GRAMD4: variants seen among roughly 807,000 people sequenced by gnomAD.
The protein encoded by GRAMD4 is GRAM domain containing 4.
A neutral mutation model predicts 83.9 loss-of-function variants in GRAMD4; 25 were observed. That is an observed-to-expected ratio of 0.30 (90% CI 0.22 to 0.42). The LOEUF (loss-of-function observed/expected upper bound fraction) is 0.42, where lower values mean the gene tolerates loss of function less well. Among genes scored for constraint, GRAMD4 ranks in the 10% least tolerant of loss-of-function variants. The probability of loss-of-function intolerance (pLI) is 1.00; values close to 1 mark genes in which losing one functional copy is unlikely to be tolerated. For missense variants in GRAMD4, 593 were observed against 788.7 expected (o/e 0.75, Z 2.97); for synonymous variants, 336 against 320.9 (o/e 1.05, Z -0.50).
chr22:46,577,429 G>C (rs1352684844), intron 1 of GRAMD4: 1 of 314,102 alleles, frequency 3.2e-6, no homozygotes, highest in Non-Finnish European at 4.5e-6. Context: ...GGCCCGAGCC[G>C]GCGACCCTCC....
chr22:46,655,351 G>A (rs2082227936), intron 3 of GRAMD4, among the ~76,000 whole-genome samples: 1 of 152,176 alleles, frequency 6.6e-6, no homozygotes, highest in Non-Finnish European at 1.5e-5. Context: ...TTCTAAGCGG[G>A]AAAGCAACAA....
intron 3 of GRAMD4, among the ~76,000 whole-genome samples, chr22:46,643,342 TCC>T (rs2082019305): frequency 7.9e-6 from 1 of 127,062 alleles, no homozygotes; most frequent in African/African-American, 2.9e-5. Context: ...TATCCATCCA[TCC>T]ATCCATCCAT....
At position 46,658,324 on chromosome 22, in the gene GRAMD4, G is replaced by A. The variant is rs767156403; in HGVS notation, c.404+17G>A. ...GAAGGCCAGGTACCGCGCCTTCCTC[G>A]GGGCCCTGGCCTGTGTGCGGCTGCC... is the stretch of plus-strand genomic sequence containing the variant. On this transcript the variant is annotated intron_variant, in intron 4 of 18. Coordinates refer to ENST00000406902, the MANE Select transcript of GRAMD4 (RefSeq NM_015124.5). The A allele has an allele frequency of 7.5e-6, 12 of 1,589,998 alleles. No individual in the cohort carries two copies. Among genetic ancestry groups the A allele is most frequent in the Middle Eastern group, 2.2e-4 (1 of 4,538 alleles).
intron 2 of GRAMD4, among the ~76,000 whole-genome samples, chr22:46,630,545 T>C (rs902836866): frequency 1.6e-4 from 25 of 152,248 alleles, no homozygotes; most frequent in African/African-American, 5.8e-4. Context: ...GGTCTGAGGG[T>C]TTCCCTGGAG....
At chr22:46,592,685 T>A (rs1250060819) in intron 1 of GRAMD4, among the ~76,000 whole-genome samples, 1 of 152,108 alleles carries the variant, frequency 6.6e-6, no homozygotes, top group Admixed American at 6.6e-5. Context: ...CCCACATGTA[T>A]GGTGACCAGC....
At chr22:46,608,017 C>G (rs911298246) in intron 1 of GRAMD4, among the ~76,000 whole-genome samples, 3 of 152,220 alleles carry the variant, frequency 2.0e-5, no homozygotes, top group Non-Finnish European at 2.9e-5. Context: ...TTGGCCTCGC[C>G]TCCTCTGTAT....
upstream of GRAMD4, among the ~76,000 whole-genome samples, chr22:46,576,898 G>A (rs2081046716): frequency 6.8e-6 from 1 of 146,302 alleles, no homozygotes; most frequent in Non-Finnish European, 1.5e-5. Context: ...GGGCGCACGT[G>A]GCCACCCAAA....
At chr22:46,676,828 G>C (rs752975743) in intron 18 of GRAMD4, among the ~76,000 whole-genome samples, 160 bp downstream of exon 18, 1 of 152,258 alleles carries the variant, frequency 6.6e-6, no homozygotes, top group Non-Finnish European at 1.5e-5. Flanking sequence ...GCCTGGGGCT[G>C]CGTCCAGGTT....
Position 46,626,886 on chromosome 22 carries a change from C to CACCG in GRAMD4, c.89_92dup (p.Glu31AspfsTer41). 2 of 1,614,196 alleles carry CACCG rather than the reference C, an allele frequency of 1.2e-6. No homozygotes were observed. Among genetic ancestry groups the CACCG allele is most frequent in the Non-Finnish European group, 1.7e-6 (2 of 1,180,002 alleles). ...TAGCGGAGTCTCCAAATGCCTCGGA[C>CACCG]ACCGAATGCAGCGACGAAATCCCCC... On this transcript the variant is annotated frameshift_variant, in exon 2 of 19. Coordinates refer to ENST00000406902, the MANE Select transcript of GRAMD4 (RefSeq NM_015124.5). LOFTEE classifies it high-confidence loss of function.
downstream of GRAMD4, among the ~76,000 whole-genome samples, chr22:46,681,368 A>C (rs1352369137): frequency 1.3e-5 from 2 of 152,250 alleles, no homozygotes; most frequent in Non-Finnish European, 2.9e-5. Context: ...TTTAGTGTCA[A>C]TAAAGGTGCC....
upstream of GRAMD4, among the ~76,000 whole-genome samples, chr22:46,576,594 G>A (rs1264588792): frequency 3.9e-5 from 6 of 152,216 alleles, no homozygotes; most frequent in African/African-American, 1.4e-4. Flanking sequence ...GTCTAGCGGG[G>A]TTCGTGCTGC....
chr22:46,650,529 C>G (rs6007949), intron 3 of GRAMD4, among the ~76,000 whole-genome samples: 22,702 of 152,184 alleles, frequency 0.15, 2,534 homozygotes, highest in African/African-American at 0.32. Flanking sequence ...CTCAAATCAG[C>G]GTGGCCGTTC....
At chr22:46,669,606 C>T (rs1442376478) in intron 13 of GRAMD4, among the ~76,000 whole-genome samples, 4 of 148,216 alleles carry the variant, frequency 2.7e-5, no homozygotes, top group African/African-American at 5.0e-5. Flanking sequence ...GACGGAGTGT[C>T]GCTCTGTCGC....
Position 46,620,452 on chromosome 22 carries a change from G to A in GRAMD4, c.-163G>A. 1.0e-6 allele frequency: 1 copy of A among 985,352 alleles called. No individual in the cohort carries two copies. 61.0% of individuals were successfully genotyped at this position (985,352 alleles called of 1,614,324 possible). A position where few individuals can be genotyped will look rare whatever the true frequency, so the allele number is the denominator to read the frequency against. Reference sequence around the variant, plus strand: ...CACCCTCTCCGTGCCTGCTGGTGTTGGGCGGCTTGGAGGCTATGGTTCCTG... The same window carrying A: ...CACCCTCTCCGTGCCTGCTGGTGTTAGGCGGCTTGGAGGCTATGGTTCCTG... On this transcript the variant is annotated 5_prime_UTR_variant, in exon 1 of 19. Coordinates refer to ENST00000406902, the MANE Select transcript of GRAMD4 (RefSeq NM_015124.5). This position sits in a 1 kb window ranked among gnomAD's most constrained non-coding sequence, Gnocchi z 4.7.
chr22:46,597,647 G>A (rs4823864), intron 1 of GRAMD4, among the ~76,000 whole-genome samples: 35,970 of 151,844 alleles, frequency 0.24, 5,677 homozygotes, highest in East Asian at 0.62. Flanking sequence ...CCGCCACCAC[G>A]CCCGGCTAAT....
chr22:46,667,801 T>C (rs1334713171), intron 10 of GRAMD4, among the ~76,000 whole-genome samples: 1 of 152,086 alleles, frequency 6.6e-6, no homozygotes, highest in African/African-American at 2.4e-5. Context: ...TGCCTGTAAG[T>C]GAGGGAGGGC....
intron 13 of GRAMD4, among the ~76,000 whole-genome samples, chr22:46,671,709 G>C (rs1256575399): frequency 1.3e-5 from 2 of 151,426 alleles, no homozygotes; most frequent in African/African-American, 4.9e-5. Context: ...TTAGCCGGGT[G>C]TGGTGGTAGG....
chr22:46,611,232 T>G (rs1465586524), intron 1 of GRAMD4, among the ~76,000 whole-genome samples: 1 of 150,558 alleles, frequency 6.6e-6, no homozygotes, highest in Non-Finnish European at 1.5e-5. Context: ...AAAAAAATAT[T>G]AAATAAAAAA....
intron 1 of GRAMD4, among the ~76,000 whole-genome samples, chr22:46,589,661 G>C (rs1178614662): frequency 6.6e-6 from 1 of 152,118 alleles, no homozygotes; most frequent in Non-Finnish European, 1.5e-5. Flanking sequence ...ATGCCCTGTG[G>C]CTACCCCCCA....
Sources: allele counts gnomAD v4.1 joint callset (sites outside exome capture counted in the v4.1 genomes callset), GRCh38; gene constraint gnomAD v4.1.1; non-coding constraint Gnocchi (gnomAD v3.1); transcripts MANE v1.5; gene names NCBI Gene and HGNC (gene_info 2026-07-23, HGNC 2026-07-21).